The following ANKRD11 variants were observed in gnomAD, a reference collection of about 807,000 sequenced individuals.
ANKRD11 encodes the protein ankyrin repeat domain 11.
Under a neutral mutation model 195.7 loss-of-function variants are expected in ANKRD11, and 17 were observed. That is an observed-to-expected ratio of 0.09 (90% CI 0.06 to 0.13). The LOEUF (loss-of-function observed/expected upper bound fraction) is 0.13, where lower values mean the gene tolerates loss of function less well. ANKRD11 is among the 10% of genes least tolerant of loss of function. The probability of loss-of-function intolerance (pLI) is 1.00; values close to 1 mark genes in which losing one functional copy is unlikely to be tolerated. For missense variants in ANKRD11, 3,735 were observed against 3,566.1 expected (o/e 1.05, Z -1.21); for synonymous variants, 1,953 against 1,528.1 (o/e 1.28, Z -6.49).
intron 1 of ANKRD11, among the ~76,000 whole-genome samples, chr16:89,488,708 T>G (rs1238094879): frequency 6.6e-6 from 1 of 152,162 alleles, no homozygotes; most frequent in African/African-American, 2.4e-5. Flanking sequence ...TGGCTAAGTC[T>G]CAACATCCCA....
chr16:89,302,310 T>C (rs936245576), intron 4 of ANKRD11, among the ~76,000 whole-genome samples: 1 of 152,210 alleles, frequency 6.6e-6, no homozygotes, highest in African/African-American at 2.4e-5. Context: ...TGGAGTGCAA[T>C]GGCGCAATCT....
intron 2 of ANKRD11, among the ~76,000 whole-genome samples, chr16:89,361,308 C>T (rs1235890375): frequency 6.6e-6 from 1 of 152,222 alleles, no homozygotes; most frequent in Non-Finnish European, 1.5e-5. Context: ...TCAGCACACA[C>T]AGAACCATCA....
Position 89,284,287 on chromosome 16 carries a change from G to C in ANKRD11, c.2255C>G (p.Ser752Cys), listed in dbSNP as rs1367076161. 3.7e-6 allele frequency: 6 copies of C among 1,613,528 alleles called. No homozygotes were observed. Among genetic ancestry groups the C allele is most frequent in the Non-Finnish European group, 1.7e-6 (2 of 1,179,992 alleles). ...AEKERSLKEK[S>C]PKEEKLRLYK... ...CAGTCTCAGTTTTTCTTCTTTCGGA[G>C]ACTTTTCCTTCAGCGATCTCTCCTT... Residue 752 changes from serine (S) to cysteine (C), a missense_variant, in exon 9 of 13, where the codon TCT becomes TGT. Ser to Cys is a moderately radical substitution (Grantham distance 112). Transcript: ENST00000301030.
rs1253866658 is a variant in ANKRD11, at chr16:89,352,848, G to T, written c.-59-35770C>A. On this transcript the variant is annotated intron_variant, in intron 2 of 12. Transcript: ENST00000301030. ...CCCAAGCAGGGCCCCTACCTGCTTTGTCAGCATCTTGTCCTTTCCCTCTTT... is the reference window on the plus strand; with the variant it reads ...CCCAAGCAGGGCCCCTACCTGCTTTTTCAGCATCTTGTCCTTTCCCTCTTT... Among the ~76,000 whole-genome samples the T allele has an allele frequency of 3.3e-5, 5 of 152,316 alleles. No homozygotes were observed. The East Asian group carries it at 9.6e-4, about 29-fold the overall frequency.
chr16:89,487,939 A>G (rs943593437), intron 1 of ANKRD11, among the ~76,000 whole-genome samples: 1 of 119,894 alleles, frequency 8.3e-6, no homozygotes, highest in African/African-American at 3.0e-5. Flanking sequence ...TCAACAGCCC[A>G]TCTGGGAGGG....
intron 1 of ANKRD11, chr16:89,420,141 C>T (rs1192947512): frequency 6.6e-6 from 1 of 152,242 alleles, no homozygotes; most frequent in Non-Finnish European, 1.5e-5. Context: ...AGTCACCACA[C>T]AGCCTGGTTT....
rs771350366 is a variant in ANKRD11 at position 89,282,719 on chromosome 16, C to T, written c.3823G>A (p.Asp1275Asn). The change falls in exon 9 of 13, where the codon GAC (aspartate) becomes AAC (asparagine). Residue 1275 changes from aspartate (D) to asparagine (N), a missense_variant. By Grantham distance (23) the Asp-to-Asn change is conservative (BLOSUM62 1). Transcript: ENST00000301030. The stretch of plus-strand genomic sequence containing the variant: ...TTTTCAAGCAGGCTTTTTTCCGCGT[C>T]GGCACTTCTCGAGGACTTCCTCTCC... The part of the protein sequence containing the change: ...SKERKSSRSA[D>N]AEKSLLEKLE... 1.5e-5 allele frequency: 25 copies of T among 1,613,926 alleles called. No homozygotes were observed. The highest frequency in any genetic ancestry group is 1.9e-5 in the Non-Finnish European group (23 of 1,180,046).
chr16:89,316,369 A>G (rs2151916749), intron 3 of ANKRD11, among the ~76,000 whole-genome samples: 1 of 152,116 alleles, frequency 6.6e-6, no homozygotes, highest in African/African-American at 2.4e-5. Flanking sequence ...TGTACTTCCT[A>G]ACACCCCAGA....
At chr16:89,347,861 C>T (rs1365224231) in intron 2 of ANKRD11, among the ~76,000 whole-genome samples, 1 of 152,046 alleles carries the variant, frequency 6.6e-6, no homozygotes, top group African/African-American at 2.4e-5. Context: ...TTTCTCAGAA[C>T]GTCCTCCATC....
chr16:89,276,443 C>T (rs1052011041), intron 9 of ANKRD11, among the ~76,000 whole-genome samples: 2 of 152,178 alleles, frequency 1.3e-5, no homozygotes, highest in Admixed American at 6.5e-5. Flanking sequence ...TCATGGTGGA[C>T]GGGCCTGACC....
intron 7 of ANKRD11, chr16:89,286,730 C>T (rs1167278486): frequency 7.9e-7 from 1 of 1,268,636 alleles, no homozygotes; most frequent in Non-Finnish European, 1.0e-6. Flanking sequence ...CTTGATTTTA[C>T]AAGGGTAAGG....
At chr16:89,413,620 CA>C (rs1180722608) in intron 2 of ANKRD11, among the ~76,000 whole-genome samples, 1 of 151,600 alleles carries the variant, frequency 6.6e-6, no homozygotes, top group Admixed American at 6.6e-5. Context: ...CAGACTGTCT[CA>C]AAAAAAGAAA....
At chr16:89,431,712 G>A (rs913760550) in intron 1 of ANKRD11, among the ~76,000 whole-genome samples, 17 of 151,988 alleles carry the variant, frequency 1.1e-4, no homozygotes, top group Admixed American at 6.6e-5. Context: ...CTTTAACGAC[G>A]TGCTGCTGAA....
intron 4 of ANKRD11, among the ~76,000 whole-genome samples, chr16:89,302,691 G>A (rs929820264): frequency 2.6e-5 from 4 of 152,198 alleles, no homozygotes; most frequent in Non-Finnish European, 4.4e-5. Context: ...AATTGGCCCC[G>A]AAAGGGTGAT....
At chr16:89,472,619 C>G (rs1222306632) in intron 1 of ANKRD11, among the ~76,000 whole-genome samples, 1 of 152,200 alleles carries the variant, frequency 6.6e-6, no homozygotes, top group African/African-American at 2.4e-5. Context: ...TCCCATTCCA[C>G]TGCGCCCAGC....
chr16:89,334,043 G>C (rs2038202581), intron 2 of ANKRD11, among the ~76,000 whole-genome samples: 1 of 151,230 alleles, frequency 6.6e-6, no homozygotes, highest in African/African-American at 2.4e-5. Context: ...CAGGTGCAGT[G>C]GCTCAAGCCT....
At chr16:89,402,434 CAT>C (rs1355774903) in intron 2 of ANKRD11, among the ~76,000 whole-genome samples, 1 of 152,066 alleles carries the variant, frequency 6.6e-6, no homozygotes, top group African/African-American at 2.4e-5. Flanking sequence ...GTACCTAACA[CAT>C]GAGGAAGCCG....
chr16:89,424,489 T>C (rs1003511904), intron 1 of ANKRD11, among the ~76,000 whole-genome samples: 1 of 151,514 alleles, frequency 6.6e-6, no homozygotes, highest in Non-Finnish European at 1.5e-5. Context: ...TCTGCTGTTC[T>C]GTGTGTCTCC....
intron 2 of ANKRD11, among the ~76,000 whole-genome samples, chr16:89,406,876 T>C (rs568803786): frequency 1.1e-4 from 16 of 151,956 alleles, no homozygotes; most frequent in Non-Finnish European, 2.2e-4. Flanking sequence ...AGGAGACAAA[T>C]CAGCAACATT....
Sources: allele counts gnomAD v4.1 joint callset (sites outside exome capture counted in the v4.1 genomes callset), GRCh38; gene constraint gnomAD v4.1.1; transcripts MANE v1.5; gene names NCBI Gene and HGNC (gene_info 2026-07-23, HGNC 2026-07-21).